Variants in SLC9A6 observed in about 807,000 individuals in gnomAD.
SLC9A6 encodes sodium/hydrogen exchanger 6.
SLC9A6 carries 6 observed loss-of-function variants against 45.3 expected under a neutral mutation model. The ratio of observed to expected loss-of-function variants is 0.13; its 90% confidence interval spans 0.07 to 0.26. SLC9A6 has a LOEUF of 0.26. SLC9A6 is among the 10% of genes least tolerant of loss of function. The pLI, the probability that SLC9A6 is intolerant of heterozygous loss-of-function variation, is 1.00. For synonymous variants in SLC9A6, 191 were observed against 187.7 expected (o/e 1.02, Z -0.14); for missense variants, 278 against 503.7 (o/e 0.55, Z 4.29).
At chrX:135,997,032 C>G (rs781876234) in intron 3 of SLC9A6, among the ~76,000 whole-genome samples, 1 of 110,597 alleles carries the variant, frequency 9.0e-6, no homozygotes, top group South Asian at 3.8e-4. Context: ...TCCCAAAGTG[C>G]TGGGATTACA....
Position 135,998,508 on chromosome X carries a change from T to C in SLC9A6, c.474T>C (p.Ser158=), listed in dbSNP as rs144316388. 1.1e-3 allele frequency: 1,324 copies of C among 1,176,895 alleles called. 17 individuals are homozygous for C. The African/African-American group carries it at 0.022, about 19-fold the overall frequency. ...GACATTTTTTTCGAAATCTTGGGTCTATCCTAGCATACGCTTTTCTTGGAA... is the reference window on the plus strand; with the variant it reads ...GACATTTTTTTCGAAATCTTGGGTCCATCCTAGCATACGCTTTTCTTGGAA... ...KRRHFFRNLG[S]ILAYAFLGTA... is the part of the protein sequence containing the mutation. The change falls in exon 5 of 18, where the codon TCT becomes TCC. Residue 158 remains serine, a synonymous_variant. Coordinates refer to ENST00000630721, the MANE Select transcript of SLC9A6 (RefSeq NM_001379110.1).
At chrX:135,987,903 C>T (rs1352392532) in intron 2 of SLC9A6, among the ~76,000 whole-genome samples, 1 of 110,799 alleles carries the variant, frequency 9.0e-6, no homozygotes, top group Non-Finnish European at 1.9e-5. Context: ...AGTAACTGAC[C>T]CTTAAGTAAA....
upstream of SLC9A6, among the ~76,000 whole-genome samples, chrX:135,983,156 G>A (rs1359082948): frequency 4.5e-5 from 5 of 111,816 alleles, no homozygotes; most frequent in Non-Finnish European, 9.4e-5. Context: ...AACAATGGGA[G>A]TGAGCACAGT....
In SLC9A6 at chrX:136,046,423, A is replaced by G. The variant is rs1313744715; in HGVS notation, c.*1699A>G. The G allele has an allele frequency of 2.7e-5, 3 of 112,870 alleles. No homozygotes were observed. The highest frequency in any genetic ancestry group is 5.6e-5 in the Non-Finnish European group (3 of 53,338). The allele number at this position is 112,870 out of a possible 1,213,427, so 9.3% of individuals were successfully genotyped here. ...CCCTCCCATGACGTGTATGTTTTAC[A>G]TGATGTGTGCCTCTTCACGCAGTAA... is the stretch of plus-strand genomic sequence containing the variant. On this transcript the variant is annotated 3_prime_UTR_variant, in exon 18 of 18. Coordinates refer to ENST00000630721, the MANE Select transcript of SLC9A6 (RefSeq NM_001379110.1).
At chrX:135,996,023 CTTTTTTTTTT>C (rs1167208674) in intron 3 of SLC9A6, among the ~76,000 whole-genome samples, 18 of 55,352 alleles carry the variant, frequency 3.3e-4, no homozygotes, top group Non-Finnish European at 6.6e-5. Context: ...CAGGACTTGA[CTTTTTTTTTT>C]TTTTTTTTTT....
At chrX:135,993,865 A>G (rs1255359999) in intron 2 of SLC9A6, among the ~76,000 whole-genome samples, 2 of 111,686 alleles carry the variant, frequency 1.8e-5, no homozygotes, top group Non-Finnish European at 3.8e-5. Flanking sequence ...TGATCCAGCA[A>G]TCTGTTTGAT....
At chrX:135,992,038 A>G (rs782766035) in intron 2 of SLC9A6, among the ~76,000 whole-genome samples, 22 of 111,622 alleles carry the variant, frequency 2.0e-4, no homozygotes, top group African/African-American at 7.2e-4. Flanking sequence ...TCCAGATACC[A>G]CATACTCAAC....
chrX:135,973,924 A>G (rs191353751), upstream of SLC9A6: 578 of 1,130,507 alleles, frequency 5.1e-4, 3 homozygotes, highest in African/African-American at 0.01. Flanking sequence ...CCTCTCTAGG[A>G]GGGCCGGAGC....
Position 136,044,835 on chromosome X carries a change from T to C in SLC9A6, c.*111T>C. ...TCTCTGAATGTGTAAGCTATATAAA[T>C]GCTATTTATATGGCATAGAAAGAAT... On this transcript the variant is annotated 3_prime_UTR_variant, in exon 18 of 18. Transcript: ENST00000630721. 6 of 671,428 alleles carry C rather than the reference T, an allele frequency of 8.9e-6. No homozygotes were observed. The highest frequency in any genetic ancestry group is 7.2e-5 in the Admixed American group (3 of 41,432). 55.3% of individuals were successfully genotyped at this position (671,428 alleles called of 1,213,427 possible).
chrX:135,976,715 A>C (rs1190224052), intron 1 of SLC9A6, among the ~76,000 whole-genome samples: 1 of 112,385 alleles, frequency 8.9e-6, no homozygotes, highest in Non-Finnish European at 1.9e-5. Context: ...TCCTTTAAAA[A>C]GATGAAGTTA....
chrX:136,000,254 C>CAAAA (rs1212509294), intron 6 of SLC9A6, among the ~76,000 whole-genome samples: 5 of 15,776 alleles, frequency 3.2e-4, no homozygotes, highest in East Asian at 1.4e-3. Flanking sequence ...ACCCTGTCTC[C>CAAAA]AAAAAAAAAA....
At chrX:136,010,238 A>C in intron 7 of SLC9A6, 2 of 249,507 alleles carry the variant, frequency 8.0e-6, no homozygotes, top group Non-Finnish European at 7.4e-6. Flanking sequence ...CCCCCCCGAA[A>C]TTAACATTTA....
chrX:136,011,879 G>A lies in SLC9A6; in HGVS notation c.886-1070G>A, dbSNP rs539335387. The stretch of plus-strand genomic sequence containing the variant: ...GCCATGGCGGGCGGATCACAAGGTC[G>A]GGAGATCGAGACCATCCTGGCCAAC... On this transcript the variant is annotated intron_variant, in intron 8 of 17. Coordinates refer to ENST00000630721, the MANE Select transcript of SLC9A6 (RefSeq NM_001379110.1). 6.3e-5 allele frequency among the ~76,000 whole-genome samples: 7 copies of A among 110,647 alleles called. No homozygotes were observed. In the South Asian group the frequency reaches 1.2e-3, roughly 18 times the overall value.
chrX:136,043,968 C>T (rs2071555598), intron 17 of SLC9A6, among the ~76,000 whole-genome samples: 1 of 111,590 alleles, frequency 9.0e-6, no homozygotes, highest in South Asian at 3.8e-4. Flanking sequence ...AGACTCTAAG[C>T]CTCTTGAGGG....
At chrX:136,038,621 A>AT (rs1190478445) in intron 16 of SLC9A6, among the ~76,000 whole-genome samples, 3 of 107,495 alleles carry the variant, frequency 2.8e-5, no homozygotes, top group Non-Finnish European at 5.8e-5. Flanking sequence ...TGTTATTATT[A>AT]TTTTTTTTTA....
intron 17 of SLC9A6, among the ~76,000 whole-genome samples, chrX:136,043,770 C>T (rs140690235): frequency 1.0e-3 from 117 of 111,689 alleles, no homozygotes; most frequent in African/African-American, 3.6e-3. Flanking sequence ...GATTCTTTTC[C>T]CTTTTGTAGA....
chrX:136,025,668 A>G (rs782699724), intron 13 of SLC9A6, among the ~76,000 whole-genome samples: 1 of 112,095 alleles, frequency 8.9e-6, no homozygotes, highest in East Asian at 2.8e-4. Flanking sequence ...TGTGCTGGGC[A>G]TTGTGCTAAG....
At chrX:135,996,867 C>T (rs1556616582) in intron 3 of SLC9A6, among the ~76,000 whole-genome samples, 2 of 107,594 alleles carry the variant, frequency 1.9e-5, no homozygotes, top group African/African-American at 6.8e-5. Context: ...CCTGGGTTCA[C>T]GCCGTTCTCC....
At position 136,044,732 on chromosome X, in the gene SLC9A6, A is replaced by T. The variant is rs200171451; in HGVS notation, c.*8A>T. On this transcript the variant is annotated 3_prime_UTR_variant, in exon 18 of 18. Transcript: ENST00000630721. ...AGACATGGTCCAGCCTAAGCTTACT[A>T]ATACTCACTTAGTGATTTGTAAAAT... 2.2e-3 allele frequency: 2,613 copies of T among 1,207,064 alleles called. 2 individuals are homozygous for T. Among genetic ancestry groups the T allele is most frequent in the Non-Finnish European group, 2.7e-3 (2,445 of 892,361 alleles).
Sources: gnomAD v4.1 joint callset for allele counts (sites outside exome capture counted in the v4.1 genomes callset) on GRCh38, gnomAD v4.1.1 for gene constraint, MANE v1.5 for transcripts, NCBI Gene and HGNC (gene_info 2026-07-23, HGNC 2026-07-21) for gene names.